MAGEC3: variants seen among roughly 807,000 people sequenced by gnomAD.
MAGEC3 encodes MAGE family member C3.
Under a neutral mutation model 35.3 loss-of-function variants are expected in MAGEC3, and 34 were observed. The ratio of observed to expected loss-of-function variants is 0.96; its 90% CI spans 0.73 to 1.28. MAGEC3 has a LOEUF of 1.28. MAGEC3 is among the 50% of genes most tolerant of loss of function. The pLI is 0.00. For missense variants in MAGEC3, 561 were observed against 483.6 expected (o/e 1.16, Z -1.50); for synonymous variants, 202 against 185.6 (o/e 1.09, Z -0.72).
intron 1 of MAGEC3, among the ~76,000 whole-genome samples, chrX:141,850,177 G>A (rs773629613): frequency 5.9e-4 from 65 of 110,716 alleles, no homozygotes; most frequent in Non-Finnish European, 5.9e-4. Flanking sequence ...AACACTGTGC[G>A]CACATAGACA....
intron 4 of MAGEC3, among the ~76,000 whole-genome samples, chrX:141,886,372 C>T (rs1006867401): frequency 9.0e-5 from 10 of 111,080 alleles, no homozygotes; most frequent in Non-Finnish European, 1.5e-4. Flanking sequence ...GCTGGGTCCC[C>T]TTGAGGAAGG....
At chrX:141,846,203 A>G (rs1427287188) in intron 1 of MAGEC3, among the ~76,000 whole-genome samples, 1 of 91,402 alleles carries the variant, frequency 1.1e-5, no homozygotes, top group Non-Finnish European at 2.1e-5. Context: ...CTTCCTCACC[A>G]GTGTTTTTTT....
chrX:141,892,970 A>T lies in MAGEC3; in HGVS notation c.910-2299A>T, dbSNP rs372984376. 2.6e-4 allele frequency among the ~76,000 whole-genome samples: 29 copies of T among 112,763 alleles called. No individual in the cohort carries two copies. In the East Asian group the frequency reaches 3.3e-3, roughly 13 times the overall value. On this transcript the variant is annotated intron_variant, in intron 4 of 7. Coordinates refer to ENST00000298296, the MANE Select transcript of MAGEC3 (RefSeq NM_138702.1). ...TCTGATAAAAGATGTATATTTAAAT[A>T]TGCACAAAACGCTGAAAACCCAATC... is the stretch of plus-strand genomic sequence containing the variant.
At chrX:141,839,122 CCTATCCTTTCTCTGTATTTGGAGT>C (rs1401197087) in intron 1 of MAGEC3, among the ~76,000 whole-genome samples, 1 of 111,240 alleles carries the variant, frequency 9.0e-6, no homozygotes, top group Non-Finnish European at 1.9e-5. Context: ...GGCTCTCTCA[CCTATCCTTTCTCTGTATTTGGAGT>C]CTCTCAGCTC....
At chrX:141,852,706 TTATTC>T (rs1422869142) in intron 1 of MAGEC3, among the ~76,000 whole-genome samples, 2 of 111,281 alleles carry the variant, frequency 1.8e-5, no homozygotes, top group African/African-American at 6.5e-5. Context: ...TGATTGTTCT[TTATTC>T]TATTTGTTTG....
chrX:141,863,104 CT>C (rs752236128), intron 1 of MAGEC3, among the ~76,000 whole-genome samples: 1 of 111,676 alleles, frequency 9.0e-6, no homozygotes, highest in Non-Finnish European at 1.9e-5. Flanking sequence ...AAAAATGATT[CT>C]TAAAAATCTT....
chrX:141,868,854 TTTTATTTA>T (rs199761435), intron 2 of MAGEC3, among the ~76,000 whole-genome samples: 10 of 106,411 alleles, frequency 9.4e-5, no homozygotes, highest in East Asian at 3.0e-4. Flanking sequence ...AAAATTTTTA[TTTTATTTA>T]TTTATTTATT....
At position 141,880,731 on chromosome X, in the gene MAGEC3, G is replaced by A. The variant is rs995269186; in HGVS notation, c.516-672G>A. 1.9e-5 allele frequency: 14 copies of A among 731,904 alleles called. 1 individual carries two copies. The African/African-American group carries it at 1.9e-4, about 10-fold the overall frequency. The allele number at this position is 731,904 out of a possible 1,213,427, so 60.3% of individuals were successfully genotyped here. On this transcript the variant is annotated intron_variant, in intron 3 of 7. Coordinates refer to ENST00000298296, the MANE Select transcript of MAGEC3 (RefSeq NM_138702.1). Reference sequence around the variant, plus strand: ...AGGCTCTGCCTGCCAGCTGTGCCCCGAGGTGCTTTCTCACATCCTCCTACA... The same window carrying A: ...AGGCTCTGCCTGCCAGCTGTGCCCCAAGGTGCTTTCTCACATCCTCCTACA...
intron 1 of MAGEC3, among the ~76,000 whole-genome samples, chrX:141,858,112 T>C (rs985811678): frequency 4.5e-5 from 5 of 111,351 alleles, no homozygotes; most frequent in South Asian, 3.8e-4. Flanking sequence ...TTATAACTTA[T>C]GCATATAAGT....
intron 1 of MAGEC3, among the ~76,000 whole-genome samples, chrX:141,851,686 T>C (rs369645707): frequency 7.2e-5 from 8 of 110,746 alleles, no homozygotes; most frequent in African/African-American, 2.6e-4. Context: ...CTAATCTATT[T>C]TTTAATCCCT....
intron 6 of MAGEC3, chrX:141,896,379 A>C (rs1171373559): frequency 9.9e-7 from 1 of 1,005,798 alleles, no homozygotes; most frequent in Non-Finnish European, 1.3e-6. Context: ...CTGGTGCCTC[A>C]GGCTCTGCCT....
rs1329713436 is a variant in MAGEC3 at position 141,881,474 on chromosome X, T to C, written c.587T>C (p.Leu196Pro). 1 of 1,210,803 alleles carries C rather than the reference T, an allele frequency of 8.3e-7. No individual in the cohort carries two copies. The highest frequency in any genetic ancestry group is 3.0e-5 in the East Asian group (1 of 33,785). ...GTGGACAAGTTGGTGCAGTTTCTTC[T>C]CCTCAAATATCAAGCAAAAGAGCCT... ...EKVDKLVQFL[L>P]LKYQAKEPLT... Residue 196 changes from leucine to proline, a missense_variant, in exon 4 of 8, where the codon CTC (leucine) becomes CCC (proline). Physicochemically the swap from Leu to Pro is moderately conservative, Grantham distance 98 (BLOSUM62 -3). Coordinates refer to ENST00000298296, the MANE Select transcript of MAGEC3 (RefSeq NM_138702.1).
intron 4 of MAGEC3, among the ~76,000 whole-genome samples, chrX:141,888,746 C>A (rs189265494): frequency 8.9e-6 from 1 of 112,020 alleles, no homozygotes; most frequent in African/African-American, 3.2e-5. Flanking sequence ...CTTGCACTCA[C>A]CAACACTGAC....
At chrX:141,896,716 A>G in intron 6 of MAGEC3, 166 bp from the exon 7 acceptor site, 2 of 1,211,772 alleles carry the variant, frequency 1.7e-6, no homozygotes, top group South Asian at 1.8e-5. Flanking sequence ...CCCGAGTGTG[A>G]CAGAGGACTT....
intron 1 of MAGEC3, among the ~76,000 whole-genome samples, chrX:141,847,923 T>C (rs1433223873): frequency 1.8e-5 from 2 of 110,850 alleles, no homozygotes; most frequent in East Asian, 5.7e-4. Flanking sequence ...AGCTAAATGT[T>C]GATTCTTTGA....
chrX:141,861,124 T>C (rs996437501), intron 1 of MAGEC3, among the ~76,000 whole-genome samples: 1 of 111,330 alleles, frequency 9.0e-6, no homozygotes, highest in Non-Finnish European at 1.9e-5. Context: ...TGGATAGATA[T>C]GATGAGCAAA....
chrX:141,878,012 G>C (rs28534429), intron 2 of MAGEC3, among the ~76,000 whole-genome samples: 31,295 of 110,561 alleles, frequency 0.28, 4,966 homozygotes, highest in African/African-American at 0.59. Flanking sequence ...TATTTTCTAT[G>C]CCAGGATCCC....
At chrX:141,890,303 C>T (rs2018031959) in intron 4 of MAGEC3, among the ~76,000 whole-genome samples, 1 of 111,141 alleles carries the variant, frequency 9.0e-6, no homozygotes, top group South Asian at 3.9e-4. Context: ...CTCCCGAGTT[C>T]AAGTGATTTT....
At chrX:141,858,596 C>G (rs1025045276) in intron 1 of MAGEC3, among the ~76,000 whole-genome samples, 1 of 110,444 alleles carries the variant, frequency 9.1e-6, no homozygotes, top group African/African-American at 3.3e-5. Context: ...TTTTAAAATT[C>G]TTCTTTATGT....
Sources: allele counts gnomAD v4.1 joint callset (sites outside exome capture counted in the v4.1 genomes callset), GRCh38; gene constraint gnomAD v4.1.1; transcripts MANE v1.5; gene names NCBI Gene and HGNC (gene_info 2026-07-23, HGNC 2026-07-21).